COL23A1: variants seen among roughly 807,000 people sequenced by gnomAD.
The protein encoded by COL23A1 is collagen alpha-1(XXIII) chain.
In COL23A1, 97 loss-of-function variants were observed where a neutral mutation model predicts 99.3. That is an observed-to-expected ratio of 0.98 (90% CI 0.83 to 1.16). The LOEUF (loss-of-function observed/expected upper bound fraction) is 1.16, where lower values mean the gene tolerates loss of function less well. Ranked by LOEUF, COL23A1 falls within the 50% of genes most tolerant of loss-of-function variation. The pLI is 0.00. For missense variants in COL23A1, 762 were observed against 757.4 expected, an observed-to-expected ratio of 1.01 and a Z score of -0.07; for synonymous variants, 320 against 308.2, an observed-to-expected ratio of 1.04 and a Z score of -0.40.
At chr5:178,517,873 C>CTTTTTT (rs71577021) in intron 2 of COL23A1, among the ~76,000 whole-genome samples, 3 of 97,736 alleles carry the variant, frequency 3.1e-5, no homozygotes, top group African/African-American at 9.7e-5. Flanking sequence ...AACAGCGGTT[C>CTTTTTT]TTTTTTTTTT....
chr5:178,374,433 T>G (rs748885535), intron 2 of COL23A1, among the ~76,000 whole-genome samples: 2 of 152,204 alleles, frequency 1.3e-5, no homozygotes, highest in African/African-American at 2.4e-5. Context: ...GGACAGCAGC[T>G]CGTGGCTGTG....
intron 2 of COL23A1, among the ~76,000 whole-genome samples, chr5:178,348,866 G>C (rs1283458960): frequency 1.3e-5 from 2 of 152,198 alleles, no homozygotes; most frequent in Non-Finnish European, 2.9e-5. Context: ...CCCCAGCAGG[G>C]AGGGAGATCA....
intron 2 of COL23A1, among the ~76,000 whole-genome samples, chr5:178,447,101 T>A (rs6887010): frequency 0.028 from 4,282 of 151,832 alleles, 187 homozygotes; most frequent in African/African-American, 0.093. Flanking sequence ...TATTATTATT[T>A]TTTTTTTTCT....
intron 2 of COL23A1, among the ~76,000 whole-genome samples, chr5:178,341,565 C>T (rs1760662048): frequency 6.6e-6 from 1 of 152,216 alleles, no homozygotes; most frequent in African/African-American, 2.4e-5. Context: ...CAGATGTTTT[C>T]CACGGATGGC....
intron 2 of COL23A1, among the ~76,000 whole-genome samples, chr5:178,450,557 T>C (rs1767431569): frequency 6.6e-6 from 1 of 152,154 alleles, no homozygotes; most frequent in Non-Finnish European, 1.5e-5. Flanking sequence ...TACACCGGTG[T>C]CTGTGCTGTT....
chr5:178,487,742 A>G lies in COL23A1; in HGVS notation c.361+72940T>C, dbSNP rs117099068. Among the ~76,000 whole-genome samples, 18 of 152,258 alleles carry G rather than the reference A, an allele frequency of 1.2e-4. No individual in the cohort carries two copies. The East Asian group carries it at 3.5e-3, about 29-fold the overall frequency. On this transcript the variant is annotated intron_variant, in intron 2 of 28. Transcript: ENST00000390654. ...AGAAACTTCAGTTTAGCTGCTCAGC[A>G]TTTTCCCTAACTCACTCATGATAAC...
At position 178,394,993 on chromosome 5, in the gene COL23A1, G is replaced by A. The variant is rs113163496; in HGVS notation, c.362-88074C>T. 2.2e-3 allele frequency among the ~76,000 whole-genome samples: 5 copies of A among 2,268 alleles called. 1 individual carries two copies. The highest frequency in any genetic ancestry group is 0.017 in the African/African-American group (3 of 176). 1.5% of individuals were successfully genotyped at this position (2,268 alleles called of 152,430 possible). On this transcript the variant is annotated intron_variant, in intron 2 of 28. Coordinates refer to ENST00000390654, the MANE Select transcript of COL23A1 (RefSeq NM_173465.4). ...GGTTCCGGCCCCGGCCGTCCTCCGA[G>A]AGTCTCTCCCCGGCGGGCAGGCGCT... is the stretch of plus-strand genomic sequence containing the variant.
chr5:178,388,965 C>T (rs1039742286), intron 2 of COL23A1, among the ~76,000 whole-genome samples: 41 of 152,150 alleles, frequency 2.7e-4, no homozygotes, highest in African/African-American at 9.2e-4. Flanking sequence ...GAACCCTTTC[C>T]GCAGGGACAT....
At position 178,574,902 on chromosome 5, in the gene COL23A1, G is replaced by A. The variant is rs1763274795; in HGVS notation, c.295-14154C>T. On this transcript the variant is annotated intron_variant, in intron 1 of 28. Coordinates refer to ENST00000390654, the MANE Select transcript of COL23A1 (RefSeq NM_173465.4). ...AGGAATCCAGGCACTTACCTGATTTGGCATGTGAGATCAGTACTTCCAGCC... is the reference window on the plus strand; with the variant it reads ...AGGAATCCAGGCACTTACCTGATTTAGCATGTGAGATCAGTACTTCCAGCC... 4.6e-5 allele frequency among the ~76,000 whole-genome samples: 7 copies of A among 152,262 alleles called. No individual in the cohort carries two copies. The South Asian group carries it at 1.5e-3, about 32-fold the overall frequency.
chr5:178,573,344 T>C lies in COL23A1; in HGVS notation c.295-12596A>G, dbSNP rs1309214920. Among the ~76,000 whole-genome samples the C allele has an allele frequency of 2.0e-5, 3 of 152,136 alleles. No homozygotes were observed. The East Asian group carries it at 5.8e-4, about 29-fold the overall frequency. ...GGTTCTGCCTGGGTTCGGTGACAGG[T>C]AAAGCACCCAGCAGAGTCATGGCAA... is the stretch of plus-strand genomic sequence containing the variant. On this transcript the variant is annotated intron_variant, in intron 1 of 28. Coordinates refer to ENST00000390654, the MANE Select transcript of COL23A1 (RefSeq NM_173465.4).
intron 2 of COL23A1, among the ~76,000 whole-genome samples, chr5:178,443,641 A>G (rs1235687038): frequency 1.4e-5 from 2 of 146,712 alleles, no homozygotes; most frequent in African/African-American, 2.6e-5. Flanking sequence ...TTTTTTTCGT[A>G]CAGACGGGGT....
At chr5:178,456,322 C>G (rs1338913540) in intron 2 of COL23A1, among the ~76,000 whole-genome samples, 1 of 152,136 alleles carries the variant, frequency 6.6e-6, no homozygotes, top group Non-Finnish European at 1.5e-5. Flanking sequence ...ATAAATGAAG[C>G]TTTATATTAA....
intron 1 of COL23A1, among the ~76,000 whole-genome samples, chr5:178,568,578 T>A (rs1280952879): frequency 6.6e-6 from 1 of 152,200 alleles, no homozygotes; most frequent in East Asian, 1.9e-4. Flanking sequence ...CAAAAGGAAC[T>A]CCTGTATCCT....
At chr5:178,319,956 G>A (rs758777386) in intron 2 of COL23A1, among the ~76,000 whole-genome samples, 1 of 152,184 alleles carries the variant, frequency 6.6e-6, no homozygotes, top group African/African-American at 2.4e-5. Flanking sequence ...GGCCTGCCAG[G>A]CTTGCCCTGC....
chr5:178,502,287 A>G (rs1012789913), intron 2 of COL23A1, among the ~76,000 whole-genome samples: 12 of 151,994 alleles, frequency 7.9e-5, no homozygotes, highest in East Asian at 3.9e-4. Flanking sequence ...GCCCGCCACC[A>G]CGCCCGGCTA....
intron 2 of COL23A1, among the ~76,000 whole-genome samples, chr5:178,550,482 C>T (rs566243): frequency 0.6 from 91,314 of 151,988 alleles, 29,130 homozygotes; most frequent in East Asian, 0.82. Flanking sequence ...GGGGGCAAAA[C>T]AGTCCCAGTT....
At chr5:178,482,015 G>A (rs1406504652) in intron 2 of COL23A1, among the ~76,000 whole-genome samples, 2 of 130,746 alleles carry the variant, frequency 1.5e-5, no homozygotes, top group African/African-American at 2.8e-5. Flanking sequence ...AAAACTTAAA[G>A]TATAATTAAA....
chr5:178,272,753 C>T (rs910363910), intron 5 of COL23A1, among the ~76,000 whole-genome samples: 1 of 152,122 alleles, frequency 6.6e-6, no homozygotes, highest in African/African-American at 2.4e-5. Context: ...TCCCCCTACC[C>T]CCCGACCCAA....
intron 1 of COL23A1, among the ~76,000 whole-genome samples, chr5:178,572,393 GA>G (rs540305968): frequency 6.2e-4 from 94 of 151,840 alleles, no homozygotes; most frequent in African/African-American, 2.0e-3. Context: ...CAAATTTGGT[GA>G]AAATTATAAA....
Sources: gnomAD v4.1 joint callset for allele counts (sites outside exome capture counted in the v4.1 genomes callset) on GRCh38, gnomAD v4.1.1 for gene constraint, MANE v1.5 for transcripts, NCBI Gene and HGNC (gene_info 2026-07-23, HGNC 2026-07-21) for gene names.